PSMA1: variants seen among roughly 807,000 people sequenced by gnomAD.
PSMA1 encodes the protein proteasome 20S subunit alpha 1, also known as proteasome subunit alpha type-1.
Under a neutral mutation model 38.4 loss-of-function variants are expected in PSMA1, and 3 were observed. The observed-to-expected ratio is 0.08, with a 90% CI of 0.04 to 0.20. The LOEUF (loss-of-function observed/expected upper bound fraction) is 0.20, where lower values mean the gene tolerates loss of function less well. PSMA1 is among the 10% of genes least tolerant of loss of function. The pLI is 1.00. For missense variants in PSMA1, 227 were observed against 325.3 expected, an observed-to-expected ratio of 0.70 and a Z score of 2.32; for synonymous variants, 101 against 107.1, an observed-to-expected ratio of 0.94 and a Z score of 0.35.
At chr11:14,631,522 T>C (rs1421673444) in intron 1 of PSMA1, among the ~76,000 whole-genome samples, 1 of 152,172 alleles carries the variant, frequency 6.6e-6, no homozygotes. Context: ...TGCACTGTGG[T>C]CTGAGAGATA....
chr11:14,637,388 A>G (rs1024513944), intron 1 of PSMA1, among the ~76,000 whole-genome samples: 1 of 152,208 alleles, frequency 6.6e-6, no homozygotes, highest in African/African-American at 2.4e-5. Context: ...ACTCTGTTAG[A>G]GCATTTTGCA....
At chr11:14,611,869 T>C (rs1852712734) in intron 1 of PSMA1, among the ~76,000 whole-genome samples, 1 of 152,232 alleles carries the variant, frequency 6.6e-6, no homozygotes, top group South Asian at 2.1e-4. Flanking sequence ...ATACCTTATT[T>C]TGAGTGGAAT....
rs762620216 is a variant in PSMA1, at chr11:14,507,688, C to T, written c.703G>A (p.Gly235Ser). ...DDDDVSPFLE[G>S]LEERPQRKAQ... ...TTTCTCTGTGGTCTTTCTTCAAGAC[C>T]TTCCAGGAATGGAGACACATCATCA... The change falls in exon 9 of 10, where the codon GGT becomes AGT. Residue 235 changes from glycine to serine, a missense_variant. By Grantham distance (56) the Gly-to-Ser change is moderately conservative (BLOSUM62 0). Transcript: ENST00000396394. 1.2e-6 allele frequency: 2 copies of T among 1,612,140 alleles called. No individual in the cohort carries two copies. Among genetic ancestry groups the T allele is most frequent in the East Asian group, 2.2e-5 (1 of 44,834 alleles).
At chr11:14,567,161 T>C (rs1009658969) in intron 2 of PSMA1, among the ~76,000 whole-genome samples, 2 of 151,832 alleles carry the variant, frequency 1.3e-5, no homozygotes, top group Non-Finnish European at 2.9e-5. Flanking sequence ...CACCTGAGAG[T>C]TGGGACTTCT....
At chr11:14,549,930 C>A (rs1181311734) in intron 2 of PSMA1, among the ~76,000 whole-genome samples, 1 of 152,138 alleles carries the variant, frequency 6.6e-6, no homozygotes, top group African/African-American at 2.4e-5. Flanking sequence ...TTTGTTATCT[C>A]AGCAAAACGA....
intron 2 of PSMA1, among the ~76,000 whole-genome samples, chr11:14,533,296 A>G (rs917354463): frequency 1.3e-5 from 2 of 152,184 alleles, no homozygotes; most frequent in African/African-American, 4.8e-5. Flanking sequence ...TTACTTGGTC[A>G]TCTCTCCACA....
At chr11:14,567,424 G>C (rs945125092) in intron 2 of PSMA1, among the ~76,000 whole-genome samples, 5 of 152,182 alleles carry the variant, frequency 3.3e-5, no homozygotes, top group Non-Finnish European at 7.3e-5. Flanking sequence ...TAAATATCTG[G>C]TATAAAGAAG....
intron 1 of PSMA1, among the ~76,000 whole-genome samples, chr11:14,617,906 T>C (rs1852796736): frequency 1.3e-5 from 2 of 152,098 alleles, no homozygotes; most frequent in Admixed American, 6.6e-5. Flanking sequence ...GGACATGGGC[T>C]TTGGTGTCAA....
intron 2 of PSMA1, among the ~76,000 whole-genome samples, chr11:14,585,813 A>G (rs548388622): frequency 2.6e-4 from 39 of 152,294 alleles, no homozygotes; most frequent in African/African-American, 7.7e-4. Flanking sequence ...GAGCTCTTGA[A>G]CAGTTTTGGG....
intron 2 of PSMA1, among the ~76,000 whole-genome samples, chr11:14,587,596 T>G (rs1233878661): frequency 2.0e-5 from 3 of 151,856 alleles, no homozygotes; most frequent in Non-Finnish European, 4.4e-5. Flanking sequence ...TTTTTTTTTT[T>G]GTCTTTTTTT....
chr11:14,523,571 T>A (rs1389478322), upstream of PSMA1, among the ~76,000 whole-genome samples: 1 of 146,912 alleles, frequency 6.8e-6, no homozygotes, highest in Non-Finnish European at 1.5e-5. Flanking sequence ...CATACTCAGC[T>A]CCTCAGCTCT....
chr11:14,528,111 A>AAAAAG (rs1301429589), intron 2 of PSMA1, among the ~76,000 whole-genome samples: 1 of 151,514 alleles, frequency 6.6e-6, no homozygotes, highest in African/African-American at 2.4e-5. Context: ...AAAAAAAAAA[A>AAAAAG]GGGGGAGGGA....
chr11:14,607,392 G>A (rs1314052643), intron 2 of PSMA1, among the ~76,000 whole-genome samples: 1 of 152,192 alleles, frequency 6.6e-6, no homozygotes, highest in East Asian at 1.9e-4. Context: ...AACACTAATT[G>A]TGATGCTCTG....
chr11:14,519,120 C>T (rs2134151163), intron 1 of PSMA1, 79 bp from the exon 2 acceptor site: 2 of 1,212,056 alleles, frequency 1.7e-6, no homozygotes, highest in East Asian at 2.4e-5. Context: ...AAGAAATATG[C>T]TTGTATTTCC....
chr11:14,555,994 C>T (rs770558127), intron 2 of PSMA1, among the ~76,000 whole-genome samples: 20 of 152,200 alleles, frequency 1.3e-4, no homozygotes, highest in Non-Finnish European at 2.6e-4. Flanking sequence ...GGATGTCACC[C>T]TGGGGACCTT....
At chr11:14,592,013 G>A (rs940526196) in intron 2 of PSMA1, among the ~76,000 whole-genome samples, 2 of 151,610 alleles carry the variant, frequency 1.3e-5, no homozygotes, top group Non-Finnish European at 2.9e-5. Flanking sequence ...GCGAGACCAT[G>A]AGCCCACCGG....
At chr11:14,614,004 A>G (rs1252418899) in intron 1 of PSMA1, among the ~76,000 whole-genome samples, 1 of 152,208 alleles carries the variant, frequency 6.6e-6, no homozygotes, top group Non-Finnish European at 1.5e-5. Flanking sequence ...ACTATGAGAA[A>G]AGAACTCTGC....
chr11:14,629,994 T>C (rs1852977630), intron 1 of PSMA1, among the ~76,000 whole-genome samples: 1 of 152,106 alleles, frequency 6.6e-6, no homozygotes, highest in South Asian at 2.1e-4. Flanking sequence ...AGAATGCTTG[T>C]GATTTTTGTA....
At chr11:14,600,872 T>C (rs973085847) in intron 2 of PSMA1, among the ~76,000 whole-genome samples, 8 of 152,264 alleles carry the variant, frequency 5.3e-5, no homozygotes, top group African/African-American at 1.9e-4. Context: ...TTGGCCATCT[T>C]GGAATGCTCC....
Sources: gnomAD v4.1 joint callset for allele counts (sites outside exome capture counted in the v4.1 genomes callset) on GRCh38, gnomAD v4.1.1 for gene constraint, MANE v1.5 for transcripts, NCBI Gene and HGNC (gene_info 2026-07-23, HGNC 2026-07-21) for gene names.